UNC13C: variants seen among roughly 807,000 people sequenced by gnomAD.
UNC13C encodes protein unc-13 homolog C.
In UNC13C, 174 loss-of-function variants were observed where a neutral mutation model predicts 245.4. That is an observed-to-expected ratio of 0.71 (90% CI 0.63 to 0.80). The LOEUF (loss-of-function observed/expected upper bound fraction) is 0.80. Among genes scored for constraint, UNC13C ranks in the 30% least tolerant of loss-of-function variants. UNC13C has a pLI of 0.00. For missense variants in UNC13C, 2,829 were observed against 2,602.9 expected, an observed-to-expected ratio of 1.09 and a Z score of -1.89; for synonymous variants, 992 against 895.1, an observed-to-expected ratio of 1.11 and a Z score of -1.93.
At chr15:54,456,415 C>T (rs1891527499) in intron 19 of UNC13C, among the ~76,000 whole-genome samples, 1 of 151,926 alleles carries the variant, frequency 6.6e-6, no homozygotes, top group Non-Finnish European at 1.5e-5. Context: ...ATGGGAATTG[C>T]ATTGAATATA....
At chr15:54,298,899 C>A (rs2037503710) in intron 12 of UNC13C, among the ~76,000 whole-genome samples, 1 of 152,072 alleles carries the variant, frequency 6.6e-6, no homozygotes. Flanking sequence ...ATTTTTTCTA[C>A]ATATATTCAT....
At chr15:53,993,845 G>C (rs1894496934) in intron 1 of UNC13C, among the ~76,000 whole-genome samples, 1 of 151,960 alleles carries the variant, frequency 6.6e-6, no homozygotes, top group South Asian at 2.1e-4. Flanking sequence ...CTCAATAATG[G>C]TCTAGGCTAT....
At chr15:54,424,303 G>A (rs1391486368) in intron 19 of UNC13C, among the ~76,000 whole-genome samples, 1 of 151,856 alleles carries the variant, frequency 6.6e-6, no homozygotes, top group Non-Finnish European at 1.5e-5. Flanking sequence ...AAATGTTTTG[G>A]CAACAAAAGA....
intron 30 of UNC13C, among the ~76,000 whole-genome samples, chr15:54,616,824 C>T (rs1900468462): frequency 6.6e-6 from 1 of 152,020 alleles, no homozygotes; most frequent in Non-Finnish European, 1.5e-5. Flanking sequence ...TCACTCATCA[C>T]TCACGCATTG....
At chr15:54,391,217 G>C (rs2039949616) in intron 17 of UNC13C, among the ~76,000 whole-genome samples, 1 of 151,762 alleles carries the variant, frequency 6.6e-6, no homozygotes, top group African/African-American at 2.4e-5. Flanking sequence ...CATATATTTT[G>C]GCTATGTACA....
At chr15:54,046,309 G>T (rs190209959) in intron 2 of UNC13C, among the ~76,000 whole-genome samples, 53 of 152,206 alleles carry the variant, frequency 3.5e-4, no homozygotes, top group African/African-American at 1.2e-3. Flanking sequence ...GTTAGGTTTA[G>T]CAATTATTCT....
intron 2 of UNC13C, among the ~76,000 whole-genome samples, chr15:54,099,959 G>A (rs1271754891): frequency 1.3e-5 from 2 of 151,924 alleles, no homozygotes; most frequent in Non-Finnish European, 2.9e-5. Context: ...AATTAGCCAG[G>A]TGTGGTGGTG....
chr15:54,249,892 G>C (rs2036098081), intron 7 of UNC13C, among the ~76,000 whole-genome samples: 1 of 152,116 alleles, frequency 6.6e-6, no homozygotes, highest in Non-Finnish European at 1.5e-5. Flanking sequence ...TAAAAGAGGC[G>C]TTGGGTTTAC....
chr15:53,940,602 C>G, the UNC13C span, among the ~76,000 whole-genome samples: 2 of 152,078 alleles, frequency 1.3e-5, no homozygotes, highest in African/African-American at 4.8e-5. Context: ...TTAAGCTGAT[C>G]GGCAACTTCA....
At chr15:54,075,468 G>A (rs1469390636) in intron 2 of UNC13C, among the ~76,000 whole-genome samples, 13 of 137,328 alleles carry the variant, frequency 9.5e-5, no homozygotes, top group African/African-American at 3.7e-4. Flanking sequence ...CAGTGAGCCG[G>A]AGCTTGCAGT....
downstream of UNC13C, chr15:54,629,314 A>C (rs1901390053): frequency 6.6e-6 from 1 of 152,104 alleles, no homozygotes. Flanking sequence ...AGATAAGAAA[A>C]AGTATCTGTC....
chr15:54,398,671 C>A (rs1475928792), intron 18 of UNC13C, among the ~76,000 whole-genome samples: 2 of 151,056 alleles, frequency 1.3e-5, no homozygotes, highest in African/African-American at 4.8e-5. Flanking sequence ...AAATAGGTAA[C>A]CTAAATTTAG....
At position 54,293,852 on chromosome 15, in the gene UNC13C, A is replaced by G. The variant is rs758814158; in HGVS notation, c.3819-43A>G. ...AGTACTAACATCAAATGGAATTTAG[A>G]GCAGTTTTCAATTGTTGTTAACTTA... On this transcript the variant is annotated intron_variant, in intron 10 of 32. Transcript: ENST00000260323. The G allele has an allele frequency of 3.5e-6, 5 of 1,446,782 alleles. No individual in the cohort carries two copies. The South Asian group carries it at 7.7e-5, about 22-fold the overall frequency. 89.6% of individuals were successfully genotyped at this position (1,446,782 alleles called of 1,614,324 possible).
intron 30 of UNC13C, among the ~76,000 whole-genome samples, chr15:54,610,603 ATAGC>A (rs1900035387): frequency 6.6e-6 from 1 of 152,258 alleles, no homozygotes; most frequent in Non-Finnish European, 1.5e-5. Context: ...CACCAAAATA[ATAGC>A]TAGCAACTAG....
At chr15:54,478,196 C>T (rs896464807) in intron 19 of UNC13C, among the ~76,000 whole-genome samples, 1 of 150,492 alleles carries the variant, frequency 6.6e-6, no homozygotes, top group African/African-American at 2.4e-5. Context: ...TGATTCTTCT[C>T]TCTTTTTTTC....
chr15:54,594,868 C>T (rs1016577869), intron 30 of UNC13C, among the ~76,000 whole-genome samples: 6 of 152,196 alleles, frequency 3.9e-5, no homozygotes, highest in African/African-American at 1.4e-4. Context: ...GAGTTAGAGA[C>T]AGAATAAGTA....
chr15:54,247,975 G>A (rs2036041277), intron 7 of UNC13C, among the ~76,000 whole-genome samples: 1 of 152,020 alleles, frequency 6.6e-6, no homozygotes, highest in Non-Finnish European at 1.5e-5. Context: ...TTAGAGTACT[G>A]ACTATCACTT....
At chr15:53,967,706 G>T in the UNC13C span, among the ~76,000 whole-genome samples, 4 of 152,182 alleles carry the variant, frequency 2.6e-5, no homozygotes, top group Non-Finnish European at 4.4e-5. Flanking sequence ...GTGGCAGAAG[G>T]GAAGGGGAAG....
the UNC13C span, among the ~76,000 whole-genome samples, chr15:53,939,520 C>A: frequency 6.6e-6 from 1 of 152,102 alleles, no homozygotes; most frequent in Non-Finnish European, 1.5e-5. Flanking sequence ...CAAAACCTGG[C>A]AGAGATACAA....
Sources: allele counts gnomAD v4.1 joint callset (sites outside exome capture counted in the v4.1 genomes callset), GRCh38; gene constraint gnomAD v4.1.1; transcripts MANE v1.5; gene names NCBI Gene and HGNC (gene_info 2026-07-23, HGNC 2026-07-21).